The following SFMBT2 variants were observed in gnomAD, a reference collection of about 807,000 sequenced individuals.
The protein encoded by SFMBT2 is scm-like with four MBT domains protein 2.
In SFMBT2, 38 loss-of-function variants were observed where a neutral mutation model predicts 110.1. The observed-to-expected ratio is 0.35, with a 90% confidence interval of 0.27 to 0.45. The LOEUF (loss-of-function observed/expected upper bound fraction) is 0.45. Ranked by LOEUF, SFMBT2 falls within the 20% of genes least tolerant of loss-of-function variation. SFMBT2 has a pLI of 1.00. For missense variants in SFMBT2, 1,011 were observed against 1,094.9 expected, an observed-to-expected ratio of 0.92 and a Z score of 1.08; for synonymous variants, 425 against 425.4, an observed-to-expected ratio of 1.00 and a Z score of 0.01.
rs112165639 is a variant in SFMBT2, at chr10:7,205,933, A to G, written c.1331-5T>C. Reference sequence around the variant, plus strand: ...CTGGAACAGGAGTCTGCAGCCCTGCATGGGAAGAAGTTGAAACAAGAGGTA... The same window carrying G: ...CTGGAACAGGAGTCTGCAGCCCTGCGTGGGAAGAAGTTGAAACAAGAGGTA... On this transcript the variant is annotated splice_polypyrimidine_tract_variant and splice_region_variant and intron_variant, in intron 11 of 20. Coordinates refer to ENST00000397167, the MANE Select transcript of SFMBT2 (RefSeq NM_001387889.1). The G allele has an allele frequency of 9.3e-6, 15 of 1,613,874 alleles. 1 individual carries two copies. The highest frequency in any genetic ancestry group is 8.0e-5 in the African/African-American group (6 of 75,044).
intron 1 of SFMBT2, among the ~76,000 whole-genome samples, chr10:7,406,340 G>A (rs1265507800): frequency 6.6e-6 from 1 of 151,760 alleles, no homozygotes; most frequent in Non-Finnish European, 1.5e-5. Context: ...TTCCTTTACG[G>A]ACTTCTTAGA....
At chr10:7,340,082 C>G (rs944978725) in intron 4 of SFMBT2, among the ~76,000 whole-genome samples, 1 of 152,172 alleles carries the variant, frequency 6.6e-6, no homozygotes, top group African/African-American at 2.4e-5. Flanking sequence ...CGGTGGGGAT[C>G]CATCAGGGGC....
intron 7 of SFMBT2, among the ~76,000 whole-genome samples, chr10:7,259,172 A>C (rs1841122219): frequency 6.6e-6 from 1 of 152,214 alleles, no homozygotes; most frequent in African/African-American, 2.4e-5. Flanking sequence ...GGGAAGGCGC[A>C]AAACTTCTCC....
At chr10:7,399,190 T>C (rs574621480) in intron 1 of SFMBT2, among the ~76,000 whole-genome samples, 19 of 152,270 alleles carry the variant, frequency 1.2e-4, no homozygotes, top group African/African-American at 4.3e-4. Flanking sequence ...TTCCTACAAC[T>C]GGAGTGCATA....
intron 6 of SFMBT2, among the ~76,000 whole-genome samples, chr10:7,283,394 G>T (rs559727688): frequency 6.6e-6 from 1 of 152,228 alleles, no homozygotes; most frequent in South Asian, 2.1e-4. Flanking sequence ...TTGTGGTTTG[G>T]ATATTTAGAT....
intron 11 of SFMBT2, among the ~76,000 whole-genome samples, chr10:7,219,028 C>T (rs1210983244): frequency 6.6e-6 from 1 of 152,170 alleles, no homozygotes; most frequent in South Asian, 2.1e-4. Flanking sequence ...AAAACATGGG[C>T]TTTTAACTTG....
chr10:7,278,963 C>T (rs530213079), intron 6 of SFMBT2, among the ~76,000 whole-genome samples: 24 of 151,756 alleles, frequency 1.6e-4, no homozygotes, highest in East Asian at 3.9e-4. Flanking sequence ...TAGCTGGGTG[C>T]GGTGGCAGGC....
chr10:7,409,710 G>A (rs1588519697), intron 1 of SFMBT2, among the ~76,000 whole-genome samples: 1 of 151,946 alleles, frequency 6.6e-6, no homozygotes, highest in East Asian at 1.9e-4. Flanking sequence ...CGCTTCCTGG[G>A]GTAGCCAAAG....
At chr10:7,228,984 G>A (rs2131678020) in intron 9 of SFMBT2, among the ~76,000 whole-genome samples, 1 of 152,106 alleles carries the variant, frequency 6.6e-6, no homozygotes, top group African/African-American at 2.4e-5. Flanking sequence ...CAAACCAATG[G>A]ACAGGCAAGG....
At chr10:7,372,205 G>A (rs181352627) in intron 2 of SFMBT2, among the ~76,000 whole-genome samples, 15 of 152,162 alleles carry the variant, frequency 9.9e-5, no homozygotes, top group South Asian at 2.1e-4. Context: ...GGCGTGAGCC[G>A]CCACGCCCGG....
intron 4 of SFMBT2, among the ~76,000 whole-genome samples, chr10:7,346,363 T>C (rs986175212): frequency 2.0e-5 from 3 of 152,164 alleles, no homozygotes; most frequent in Admixed American, 1.3e-4. Flanking sequence ...AAAAACCAGA[T>C]TGAAACAGAG....
intron 7 of SFMBT2, among the ~76,000 whole-genome samples, chr10:7,256,992 T>C (rs1274357160): frequency 6.6e-6 from 1 of 150,790 alleles, no homozygotes; most frequent in Non-Finnish European, 1.5e-5. Flanking sequence ...CTGCGGAGGC[T>C]GAGGCAGGGG....
chr10:7,370,201 T>C (rs1185596741), intron 3 of SFMBT2, 80 bp downstream of exon 3: 6 of 1,293,668 alleles, frequency 4.6e-6, no homozygotes, highest in Non-Finnish European at 6.7e-6. Context: ...CTTCTTCCAT[T>C]GAGTTCTCCG....
chr10:7,177,420 T>C (rs1564368552), intron 16 of SFMBT2, among the ~76,000 whole-genome samples: 1 of 152,220 alleles, frequency 6.6e-6, no homozygotes, highest in Non-Finnish European at 1.5e-5. Flanking sequence ...ATTCTTATTA[T>C]ATGGATTGAA....
chr10:7,207,357 C>CAAGAAAGG (rs1255563952), intron 11 of SFMBT2, among the ~76,000 whole-genome samples: 1 of 137,112 alleles, frequency 7.3e-6, no homozygotes, highest in Non-Finnish European at 1.5e-5. Flanking sequence ...AAGACACTGT[C>CAAGAAAGG]AAGAAAGGAA....
chr10:7,171,743 C>T lies in SFMBT2; in HGVS notation c.2415+152G>A. ...GCCCCTCCACCCAGAGGTGAAGTGC[C>T]AGCCTTTGTTCCTGACTTGGGAACT... On this transcript the variant is annotated intron_variant, in intron 19 of 20. Coordinates refer to ENST00000397167, the MANE Select transcript of SFMBT2 (RefSeq NM_001387889.1). The surrounding 1 kb of genome is among the most constrained non-coding windows in gnomAD (Gnocchi z 4.9). 1 of 982,696 alleles carries T rather than the reference C, an allele frequency of 1.0e-6. No individual in the cohort carries two copies. The allele number at this position is 982,696 out of a possible 1,614,324, so 60.9% of individuals were successfully genotyped here. A position where few individuals can be genotyped will look rare whatever the true frequency, so the allele number is the denominator to read the frequency against.
chr10:7,210,674 G>C (rs1267861287), intron 11 of SFMBT2, among the ~76,000 whole-genome samples: 1 of 152,254 alleles, frequency 6.6e-6, no homozygotes. Context: ...CAAAGCCGGT[G>C]TGAGTGCCCG....
At chr10:7,344,195 T>G (rs1005970972) in intron 4 of SFMBT2, among the ~76,000 whole-genome samples, 1 of 152,130 alleles carries the variant, frequency 6.6e-6, no homozygotes, top group Non-Finnish European at 1.5e-5. Context: ...TATTAGGCAT[T>G]TTTGCATTTC....
At chr10:7,270,084 T>C (rs989210978) in intron 7 of SFMBT2, among the ~76,000 whole-genome samples, 3 of 152,070 alleles carry the variant, frequency 2.0e-5, no homozygotes, top group Non-Finnish European at 2.9e-5. Context: ...GTAACTGCAA[T>C]TGAGTTAAGA....
Sources: gnomAD v4.1 joint callset for allele counts (sites outside exome capture counted in the v4.1 genomes callset) on GRCh38, gnomAD v4.1.1 for gene constraint, Gnocchi (gnomAD v3.1) non-coding constraint, MANE v1.5 for transcripts, NCBI Gene and HGNC (gene_info 2026-07-23, HGNC 2026-07-21) for gene names.